ATP13A2: variants seen among roughly 807,000 people sequenced by gnomAD.
The protein encoded by ATP13A2 is ATPase cation transporting 13A2.
In ATP13A2, 83 loss-of-function variants were observed where a neutral mutation model predicts 138.3. The observed-to-expected ratio is 0.60, with a 90% CI of 0.50 to 0.72. The LOEUF (loss-of-function observed/expected upper bound fraction) is 0.72. Ranked by LOEUF, ATP13A2 falls within the 30% of genes least tolerant of loss-of-function variation. The probability of loss-of-function intolerance (pLI) is 0.00; values close to 1 mark genes in which losing one functional copy is unlikely to be tolerated. For missense variants in ATP13A2, 1,402 were observed against 1,606.4 expected, an observed-to-expected ratio of 0.87 and a Z score of 2.17; for synonymous variants, 663 against 699.0, an observed-to-expected ratio of 0.95 and a Z score of 0.81.
chr1:16,991,996 G>A lies in ATP13A2; in HGVS notation c.2126+13C>T, dbSNP rs775779156. On this transcript the variant is annotated intron_variant, in intron 19 of 28. Coordinates refer to ENST00000326735, the MANE Select transcript of ATP13A2 (RefSeq NM_022089.4). ...CTAGTCCTCAGAGTGGGTGGGACAG[G>A]AGACAGGCCCACCTCGTCAGTTGCT... is the stretch of plus-strand genomic sequence containing the variant. 120 of 1,611,162 alleles carry A rather than the reference G, an allele frequency of 7.4e-5. 1 individual carries two copies. In the South Asian group the frequency reaches 1.2e-3, roughly 16 times the overall value.
Position 17,002,350 on chromosome 1 carries a change from C to T in ATP13A2, c.581G>A (p.Cys194Tyr). 6.2e-7 allele frequency: 1 copy of T among 1,613,254 alleles called. No individual in the cohort carries two copies. The highest frequency in any genetic ancestry group is 8.5e-7 in the Non-Finnish European group (1 of 1,179,842). ...ATGGCGGGAGCGGTGGACGTCGTCA[C>T]AAGAGCGGCCATGGTCCAGGAGGCT... ...QVSLLDHGRS[C>Y]DDVHRSRHGL... The change falls in exon 7 of 29, where the codon TGT becomes TAT. Residue 194 changes from cysteine to tyrosine, a missense_variant. Coordinates refer to ENST00000326735, the MANE Select transcript of ATP13A2 (RefSeq NM_022089.4).
In ATP13A2 at chr1:17,000,488, C is replaced by T; in HGVS notation, c.752G>A (p.Trp251Ter). The change falls in exon 9 of 29, where the codon TGG (tryptophan) becomes TAG (stop). Residue 251 changes from tryptophan (W) to a stop codon, truncating the protein, a stop_gained. Coordinates refer to ENST00000326735, the MANE Select transcript of ATP13A2 (RefSeq NM_022089.4). LOFTEE classifies it high-confidence loss of function. Reference sequence around the variant, plus strand: ...GTACCAGTAGTAGTGGTCAGCCAGCCACAGCGCGATGCTGAAGGCCTGGAA... The same window carrying T: ...GTACCAGTAGTAGTGGTCAGCCAGCTACAGCGCGATGCTGAAGGCCTGGAA... ...YGFQAFSIAL[W>*]LADHYYWYAL... is the part of the protein sequence containing the mutation. The T allele has an allele frequency of 6.2e-7, 1 of 1,614,096 alleles. No individual in the cohort carries two copies. Among genetic ancestry groups the T allele is most frequent in the Non-Finnish European group, 8.5e-7 (1 of 1,180,002 alleles).
Position 17,000,453 on chromosome 1 carries a change from T to G in ATP13A2, c.787A>C (p.Ile263Leu), listed in dbSNP as rs911196210. The G allele has an allele frequency of 6.2e-7, 1 of 1,613,980 alleles. No homozygotes were observed. Among genetic ancestry groups the G allele is most frequent in the South Asian group, 1.1e-5 (1 of 91,084 alleles). Residue 263 changes from isoleucine (I) to leucine (L), a missense_variant, in exon 9 of 29, where the codon ATC becomes CTC. Coordinates refer to ENST00000326735, the MANE Select transcript of ATP13A2 (RefSeq NM_022089.4). ...ATGGAGATGGAGGAAATGAGGAAGATGCACAGGGCGTACCAGTAGTAGTGG... is the reference window on the plus strand; with the variant it reads ...ATGGAGATGGAGGAAATGAGGAAGAGGCACAGGGCGTACCAGTAGTAGTGG... ...ADHYYWYALC[I>L]FLISSISICL...
At position 17,000,496 on chromosome 1, in the gene ATP13A2, G is replaced by A. The variant is rs755878267; in HGVS notation, c.744C>T (p.Ile248=). 8.7e-6 allele frequency: 14 copies of A among 1,614,090 alleles called. No homozygotes were observed. The highest frequency in any genetic ancestry group is 2.2e-5 in the South Asian group (2 of 91,090). Residue 248 remains isoleucine, a synonymous_variant, in exon 9 of 29, where the codon ATC becomes ATT. Transcript: ENST00000326735. ...AGTAGTGGTCAGCCAGCCACAGCGC[G>A]ATGCTGAAGGCCTGGAACCCATAGT... The part of the protein sequence containing the change: ...NPYYGFQAFS[I]ALWLADHYYW...
In ATP13A2 at chr1:16,987,255, C is replaced by G. The variant is rs2076770201; in HGVS notation, c.2874G>C (p.Leu958=). 6.2e-7 allele frequency: 1 copy of G among 1,613,640 alleles called. No homozygotes were observed. Among genetic ancestry groups the G allele is most frequent in the African/African-American group, 1.3e-5 (1 of 74,914 alleles). ...CGATGGCCAGGAACTGCAGGTCACC[C>G]AGGTTGGTGTTGATCTGCCACAGGG... is the stretch of plus-strand genomic sequence containing the variant. ...VLILYTINTN[L]GDLQFLAIDL... Residue 958 remains leucine, a synonymous_variant, in exon 26 of 29, where the codon CTG becomes CTC. Coordinates refer to ENST00000326735, the MANE Select transcript of ATP13A2 (RefSeq NM_022089.4).
chr1:17,000,673 C>T, intron 8 of ATP13A2, 139 bp from the exon 9 acceptor site: 1 of 1,099,044 alleles, frequency 9.1e-7, no homozygotes, highest in Non-Finnish European at 1.3e-6. Flanking sequence ...CCTGGTCAAT[C>T]CCATCCCCAC....
At chr1:17,001,247 G>A (rs191473717) in intron 8 of ATP13A2, among the ~76,000 whole-genome samples, 1,917 of 121,612 alleles carry the variant, frequency 0.016, 24 homozygotes, top group Middle Eastern at 0.046. Flanking sequence ...GTGAATCCCC[G>A]TATCTACTAA....
intron 15 of ATP13A2, among the ~76,000 whole-genome samples, chr1:16,994,474 C>A (rs1315055097): frequency 1.3e-5 from 2 of 151,906 alleles, no homozygotes; most frequent in Admixed American, 6.6e-5. Flanking sequence ...CTCAGGCAAT[C>A]CACCCGCCTT....
chr1:16,999,380 CAAAAAAA>C (rs67969184), intron 11 of ATP13A2, among the ~76,000 whole-genome samples: 1 of 56,174 alleles, frequency 1.8e-5, no homozygotes, highest in African/African-American at 7.5e-5. Flanking sequence ...AACTCCATCT[CAAAAAAA>C]AAAAAAAAAA....
At chr1:16,997,562 C>A (rs930373924) in intron 11 of ATP13A2, among the ~76,000 whole-genome samples, 4 of 152,086 alleles carry the variant, frequency 2.6e-5, no homozygotes, top group African/African-American at 9.7e-5. Flanking sequence ...TTACAAGGGG[C>A]CAGATGCGGT....
rs1176545427 is a variant in ATP13A2 at position 16,996,751 on chromosome 1, C to T, written c.1196-255G>A. 4.8e-6 allele frequency: 3 copies of T among 620,678 alleles called. No individual in the cohort carries two copies. In the African/African-American group the frequency reaches 5.5e-5, roughly 11 times the overall value. The allele number at this position is 620,678 out of a possible 1,614,324, so 38.4% of individuals were successfully genotyped here. A position where few individuals can be genotyped will look rare whatever the true frequency, so the allele number is the denominator to read the frequency against. On this transcript the variant is annotated intron_variant, in intron 12 of 28. Transcript: ENST00000326735. Reference sequence around the variant, plus strand: ...AATCCAGACACAGGGAAGGCTCCTGCCTGCCCGCTACATCCCTGCCCGCTC... The same window carrying T: ...AATCCAGACACAGGGAAGGCTCCTGTCTGCCCGCTACATCCCTGCCCGCTC...
At chr1:16,988,592 G>C in intron 23 of ATP13A2, 118 bp from the exon 24 acceptor site, 1 of 1,104,686 alleles carries the variant, frequency 9.1e-7, no homozygotes, top group African/African-American at 1.6e-5. Flanking sequence ...GTGTACAGGA[G>C]GCGCTCAGTG....
intron 21 of ATP13A2, 32 bp from the exon 22 acceptor site, chr1:16,990,035 C>G (rs994103230): frequency 6.2e-7 from 1 of 1,613,204 alleles, no homozygotes; most frequent in African/African-American, 1.3e-5. Flanking sequence ...CTTAGCTCCC[C>G]CTGCCCACCC....
chr1:16,997,243 T>C, intron 11 of ATP13A2, 68 bp from the exon 12 acceptor site: 3 of 1,589,384 alleles, frequency 1.9e-6, no homozygotes, highest in South Asian at 1.1e-5. Context: ...AGGAGTTCTG[T>C]GTAGAATTGT....
In ATP13A2 at chr1:16,986,524, C is replaced by T. The variant is rs1278403324; in HGVS notation, c.3344G>A (p.Gly1115Asp). ...PLALRNITDT[G>D]FKLLLLGLVT... ...CAGACCCAGCAGCAGCAGCTTGAAG[C>T]CGGTGTCAGTGATGTTCCTCAGCGC... The change falls in exon 28 of 29, where the codon GGC becomes GAC. Residue 1115 changes from glycine to aspartate, a missense_variant. By Grantham distance (94) the Gly-to-Asp change is moderately conservative. Coordinates refer to ENST00000326735, the MANE Select transcript of ATP13A2 (RefSeq NM_022089.4). The surrounding 1 kb of genome is among the most constrained non-coding windows in gnomAD (Gnocchi z 6.9). 1 of 1,612,732 alleles carries T rather than the reference C, an allele frequency of 6.2e-7. No individual in the cohort carries two copies. The highest frequency in any genetic ancestry group is 2.2e-5 in the East Asian group (1 of 44,876).
At chr1:16,993,515 A>ACTGCGC in intron 16 of ATP13A2, 114 bp downstream of exon 16, 4 of 1,075,898 alleles carry the variant, frequency 3.7e-6, no homozygotes, top group Non-Finnish European at 5.3e-6. Flanking sequence ...GCCTATTATT[A>ACTGCGC]TTAATGGTGG....
intron 1 of ATP13A2, among the ~76,000 whole-genome samples, chr1:17,008,974 A>T (rs1188036249): frequency 7.0e-6 from 1 of 142,254 alleles, no homozygotes; most frequent in African/African-American, 2.6e-5. Flanking sequence ...AAAAAAAAAA[A>T]CCCTCAGGCC....
chr1:16,990,272 G>A lies in ATP13A2; in HGVS notation c.2267C>T (p.Thr756Ile). The change falls in exon 21 of 29, where the codon ACA (threonine) becomes ATA (isoleucine). Residue 756 changes from threonine to isoleucine, a missense_variant. Transcript: ENST00000326735. ...ACAGCCCCGGGCCACAGTCACCGCT[G>A]TCTGCAGGTTGTCCCCTGGGGGTTA... is the stretch of plus-strand genomic sequence containing the variant. ...AVMVTGDNLQ[T>I]AVTVARGCGM... 6.2e-7 allele frequency: 1 copy of A among 1,614,056 alleles called. No homozygotes were observed. The highest frequency in any genetic ancestry group is 1.3e-5 in the African/African-American group (1 of 75,066).
In ATP13A2 at chr1:16,993,175, C is replaced by A. The variant is rs529914407; in HGVS notation, c.1749+454G>T. Reference sequence around the variant, plus strand: ...CAGGTGATCTGCCCACCTCAGCCTCCCAAAGTGCTGGAATTACAGGCATGA... The same window carrying A: ...CAGGTGATCTGCCCACCTCAGCCTCACAAAGTGCTGGAATTACAGGCATGA... On this transcript the variant is annotated intron_variant, in intron 16 of 28. Transcript: ENST00000326735. Among the ~76,000 whole-genome samples, 6 of 152,232 alleles carry A rather than the reference C, an allele frequency of 3.9e-5. No homozygotes were observed. In the South Asian group the frequency reaches 8.3e-4, roughly 21 times the overall value.
Sources: gnomAD v4.1 joint callset for allele counts (sites outside exome capture counted in the v4.1 genomes callset) on GRCh38, gnomAD v4.1.1 for gene constraint, Gnocchi (gnomAD v3.1) non-coding constraint, MANE v1.5 for transcripts, NCBI Gene and HGNC (gene_info 2026-07-23, HGNC 2026-07-21) for gene names.